Variants in GRIN2B observed in about 807,000 individuals in gnomAD.
The protein encoded by GRIN2B is glutamate ionotropic receptor NMDA type subunit 2B, also known as glutamate receptor ionotropic, NMDA 2B.
GRIN2B carries 5 observed loss-of-function variants against 114.5 expected under a neutral mutation model. The observed-to-expected ratio is 0.04, with a 90% CI of 0.02 to 0.09. The LOEUF is 0.09. Among genes scored for constraint, GRIN2B ranks in the 10% least tolerant of loss-of-function variants. The pLI, the probability that GRIN2B is intolerant of heterozygous loss-of-function variation, is 1.00. For synonymous variants in GRIN2B, 787 were observed against 745.1 expected (o/e 1.06, Z -0.92); for missense variants, 1,108 against 1,943.5 (o/e 0.57, Z 8.08).
Position 13,900,643 on chromosome 12 carries a change from T to C in GRIN2B, c.-18-34417A>G, listed in dbSNP as rs114643019. On this transcript the variant is annotated intron_variant, in intron 2 of 13. Transcript: ENST00000609686. ...CCTCACCAGTGCAGGAAACCCCCATTGAGTACTATAATCATATTCTGAGTA... is the reference window on the plus strand; with the variant it reads ...CCTCACCAGTGCAGGAAACCCCCATCGAGTACTATAATCATATTCTGAGTA... 3.3e-3 allele frequency among the ~76,000 whole-genome samples: 496 copies of C among 152,258 alleles called. 5 individuals carry two copies. Among genetic ancestry groups the C allele is most frequent in the African/African-American group, 0.012 (484 of 41,554 alleles).
At chr12:13,928,218 G>C (rs1866953824) in intron 2 of GRIN2B, among the ~76,000 whole-genome samples, 1 of 151,546 alleles carries the variant, frequency 6.6e-6, no homozygotes, top group African/African-American at 2.4e-5. Context: ...GGCTGAGGCA[G>C]GTTGAACCCA....
At chr12:13,605,762 C>G (rs1949238525) in intron 10 of GRIN2B, among the ~76,000 whole-genome samples, 1 of 152,052 alleles carries the variant, frequency 6.6e-6, no homozygotes, top group Non-Finnish European at 1.5e-5. Flanking sequence ...TTAGTTCAAA[C>G]AGAAAAACAT....
chr12:13,903,169 A>T (rs998270018), intron 2 of GRIN2B, among the ~76,000 whole-genome samples: 3 of 152,270 alleles, frequency 2.0e-5, no homozygotes, highest in Admixed American at 2.0e-4. Flanking sequence ...TTGTAAATGT[A>T]TAAGTTTAAA....
intron 4 of GRIN2B, among the ~76,000 whole-genome samples, chr12:13,694,654 G>GTCAT (rs1950242976): frequency 1.7e-5 from 1 of 58,804 alleles, no homozygotes; most frequent in African/African-American, 7.2e-5. Flanking sequence ...GCAAGAAAAT[G>GTCAT]TCATATATAT....
intron 2 of GRIN2B, among the ~76,000 whole-genome samples, chr12:13,918,396 C>A (rs1417855485): frequency 6.6e-6 from 1 of 152,088 alleles, no homozygotes; most frequent in Non-Finnish European, 1.5e-5. Flanking sequence ...CATAGCAAGA[C>A]CCTGTCTCAA....
chr12:13,635,006 T>C (rs1591651975), intron 5 of GRIN2B, among the ~76,000 whole-genome samples: 1 of 152,322 alleles, frequency 6.6e-6, no homozygotes, highest in Admixed American at 6.5e-5. Flanking sequence ...TTAACCTCTT[T>C]GTGTTCTTCT....
At chr12:13,699,442 T>C (rs1298412306) in intron 4 of GRIN2B, among the ~76,000 whole-genome samples, 2 of 152,170 alleles carry the variant, frequency 1.3e-5, no homozygotes, top group Non-Finnish European at 2.9e-5. Flanking sequence ...AATTAACATG[T>C]ATCACTTGTT....
At chr12:13,665,870 T>G (rs1949968918) in intron 5 of GRIN2B, among the ~76,000 whole-genome samples, 1 of 152,238 alleles carries the variant, frequency 6.6e-6, no homozygotes, top group African/African-American at 2.4e-5. Flanking sequence ...TTCACTTTTC[T>G]ATAAAGAGAA....
intron 3 of GRIN2B, among the ~76,000 whole-genome samples, chr12:13,843,624 TAAAC>T (rs1718069948): frequency 6.6e-6 from 1 of 152,186 alleles, no homozygotes; most frequent in Admixed American, 6.5e-5. Flanking sequence ...TGATAAATAT[TAAAC>T]AGTCAGAAGA....
At chr12:13,907,827 C>A (rs1866569093) in intron 2 of GRIN2B, among the ~76,000 whole-genome samples, 1 of 151,930 alleles carries the variant, frequency 6.6e-6, no homozygotes, top group African/African-American at 2.4e-5. Context: ...CAAGACATGG[C>A]AAATTACAGA....
At chr12:13,754,316 T>A (rs1375562276) in intron 3 of GRIN2B, among the ~76,000 whole-genome samples, 1 of 152,208 alleles carries the variant, frequency 6.6e-6, no homozygotes, top group Non-Finnish European at 1.5e-5. Context: ...TGTTGTCAAA[T>A]GAGCTATACA....
chr12:13,659,033 G>T (rs566341333), intron 5 of GRIN2B, among the ~76,000 whole-genome samples: 1 of 152,040 alleles, frequency 6.6e-6, no homozygotes, highest in East Asian at 1.9e-4. Context: ...TTCTGTTCTC[G>T]TTAGAAACTC....
rs142026202 is a variant in GRIN2B, at chr12:13,959,678, T to A, written c.-19+20250A>T. On this transcript the variant is annotated intron_variant, in intron 2 of 13. Transcript: ENST00000609686. Reference sequence around the variant, plus strand: ...AACTGGTGCCAGGACAGTGTGCCACTGGCAACCATAGAAATGTGTTGGCGA... The same window carrying A: ...AACTGGTGCCAGGACAGTGTGCCACAGGCAACCATAGAAATGTGTTGGCGA... Among the ~76,000 whole-genome samples, 695 of 151,738 alleles carry A rather than the reference T, an allele frequency of 4.6e-3. 1 individual carries two copies. The highest frequency in any genetic ancestry group is 7.5e-3 in the Non-Finnish European group (513 of 67,984).
intron 3 of GRIN2B, among the ~76,000 whole-genome samples, chr12:13,755,644 C>T (rs1863563425): frequency 6.6e-6 from 1 of 152,184 alleles, no homozygotes; most frequent in African/African-American, 2.4e-5. Flanking sequence ...CTATTCCAAA[C>T]CCTGGCCAGT....
intron 4 of GRIN2B, among the ~76,000 whole-genome samples, chr12:13,708,851 C>T (rs1483001578): frequency 1.3e-5 from 2 of 151,984 alleles, no homozygotes; most frequent in East Asian, 3.9e-4. Context: ...TTGAGTGCTT[C>T]CAATATTTAT....
rs141048119 is a variant in GRIN2B at position 13,808,316 on chromosome 12, A to T, written c.412-54401T>A. Among the ~76,000 whole-genome samples, 14 of 152,276 alleles carry T rather than the reference A, an allele frequency of 9.2e-5. No homozygotes were observed. In the East Asian group the frequency reaches 2.5e-3, roughly 27 times the overall value. On this transcript the variant is annotated intron_variant, in intron 3 of 13. Coordinates refer to ENST00000609686, the MANE Select transcript of GRIN2B (RefSeq NM_000834.5). ...CAGAGTTAAGTAGGACCTGATCCCA[A>T]TTCACACAACTTTCTGGTAGAAGGG... is the stretch of plus-strand genomic sequence containing the variant.
intron 5 of GRIN2B, among the ~76,000 whole-genome samples, chr12:13,672,169 G>GT (rs1950028440): frequency 6.6e-6 from 1 of 152,092 alleles, no homozygotes; most frequent in Non-Finnish European, 1.5e-5. Context: ...AGTCCCAGAA[G>GT]TTAGCACTAG....
chr12:13,971,608 A>C (rs1419933044), intron 2 of GRIN2B, among the ~76,000 whole-genome samples: 2 of 152,152 alleles, frequency 1.3e-5, no homozygotes, highest in Admixed American at 6.5e-5. Flanking sequence ...CTCACCAATC[A>C]ATCAAGGTCT....
intron 10 of GRIN2B, among the ~76,000 whole-genome samples, chr12:13,591,939 G>A (rs1210465517): frequency 2.0e-5 from 3 of 152,072 alleles, no homozygotes; most frequent in South Asian, 2.1e-4. Flanking sequence ...TAATCCAAAA[G>A]AGAGCAGAAC....
Sources: gnomAD v4.1 joint callset for allele counts (sites outside exome capture counted in the v4.1 genomes callset) on GRCh38, gnomAD v4.1.1 for gene constraint, MANE v1.5 for transcripts, NCBI Gene and HGNC (gene_info 2026-07-23, HGNC 2026-07-21) for gene names.